Variants in FBXO42 observed in about 807,000 individuals in gnomAD.
FBXO42 encodes the protein F-box protein 42.
In FBXO42, 12 loss-of-function variants were observed where a neutral mutation model predicts 71.7. That is an observed-to-expected ratio of 0.17 (90% confidence interval 0.11 to 0.27). The LOEUF is 0.27. Ranked by LOEUF, FBXO42 falls within the 10% of genes least tolerant of loss-of-function variation. The pLI is 1.00. For synonymous variants in FBXO42, 325 were observed against 327.5 expected (o/e 0.99, Z 0.08); for missense variants, 707 against 911.9 (o/e 0.78, Z 2.89).
intron 4 of FBXO42, among the ~76,000 whole-genome samples, chr1:16,275,493 C>A (rs2081890214): frequency 1.3e-5 from 2 of 152,032 alleles, no homozygotes; most frequent in Admixed American, 1.3e-4. Context: ...GTGGTTCATG[C>A]CTGTAGTCCT....
chr1:16,338,772 G>A (rs908495176), intron 1 of FBXO42, among the ~76,000 whole-genome samples: 2 of 143,756 alleles, frequency 1.4e-5, no homozygotes, highest in African/African-American at 5.1e-5. Flanking sequence ...ACAAGATGCT[G>A]TGATGGAATG....
intron 2 of FBXO42, among the ~76,000 whole-genome samples, chr1:16,312,198 A>AT (rs967372598): frequency 2.6e-5 from 4 of 151,948 alleles, no homozygotes; most frequent in African/African-American, 9.7e-5. Flanking sequence ...CTCTATAAAC[A>AT]TTTTTTTAAA....
chr1:16,332,302 T>C (rs1459886883), intron 1 of FBXO42, among the ~76,000 whole-genome samples: 2 of 152,100 alleles, frequency 1.3e-5, no homozygotes, highest in Non-Finnish European at 2.9e-5. Context: ...ATTTTAAAAT[T>C]GTTCCAACAA....
At chr1:16,316,566 T>G (rs989709391) in intron 1 of FBXO42, among the ~76,000 whole-genome samples, 1 of 151,446 alleles carries the variant, frequency 6.6e-6, no homozygotes, top group African/African-American at 2.4e-5. Context: ...CGAAATCCCA[T>G]CTCTACTAAA....
intron 1 of FBXO42, among the ~76,000 whole-genome samples, chr1:16,323,552 T>C (rs536615905): frequency 6.6e-6 from 1 of 150,952 alleles, no homozygotes; most frequent in African/African-American, 2.4e-5. Flanking sequence ...ATCCCAGCAC[T>C]TTGGGAGGCT....
At chr1:16,255,319 A>C (rs2081629280) in intron 6 of FBXO42, among the ~76,000 whole-genome samples, 1 of 151,466 alleles carries the variant, frequency 6.6e-6, no homozygotes, top group African/African-American at 2.4e-5. Flanking sequence ...CATGCTCAGG[A>C]ATACTGACCC....
intron 4 of FBXO42, among the ~76,000 whole-genome samples, chr1:16,258,124 A>G (rs2081666295): frequency 6.6e-6 from 1 of 152,194 alleles, no homozygotes; most frequent in Admixed American, 6.5e-5. Flanking sequence ...CTAGGTGGAG[A>G]GCTTTGCTTC....
At chr1:16,299,389 C>T (rs4661735) in intron 3 of FBXO42, among the ~76,000 whole-genome samples, 28,941 of 152,002 alleles carry the variant, frequency 0.19, 3,171 homozygotes, top group Non-Finnish European at 0.24. Flanking sequence ...TATTTTAATC[C>T]CACACTAAAA....
intron 6 of FBXO42, among the ~76,000 whole-genome samples, chr1:16,254,556 C>T (rs1020707956): frequency 3.3e-5 from 5 of 152,222 alleles, no homozygotes; most frequent in African/African-American, 1.2e-4. Context: ...CACAAAAATA[C>T]AGGAATAATA....
chr1:16,306,014 A>G (rs1214625250), intron 2 of FBXO42, 95 bp from the exon 3 acceptor site: 1 of 939,954 alleles, frequency 1.1e-6, no homozygotes, highest in Admixed American at 2.2e-5. Flanking sequence ...TCATTTTTAT[A>G]CAAGTTTCTT....
intron 5 of FBXO42, among the ~76,000 whole-genome samples, chr1:16,256,320 C>A (rs888911978): frequency 1.1e-4 from 16 of 152,212 alleles, no homozygotes; most frequent in African/African-American, 2.9e-4. Flanking sequence ...AGCTGAAGAG[C>A]TCGCTGTTCT....
rs2082029001 is a variant in FBXO42, at chr1:16,287,056, A to C, written c.502+7727T>G. Among the ~76,000 whole-genome samples the C allele has an allele frequency of 3.3e-5, 5 of 152,318 alleles. No homozygotes were observed. The South Asian group carries it at 1.0e-3, about 32-fold the overall frequency. On this transcript the variant is annotated intron_variant, in intron 4 of 9. Transcript: ENST00000375592. The stretch of plus-strand genomic sequence containing the variant: ...ACCTACACAACTAGCCATTCTATTC[A>C]GTGAATATGACAATGTCCTTACAAC...
At chr1:16,279,854 C>CTTTTTTTCTTTT (rs1553151077) in intron 4 of FBXO42, among the ~76,000 whole-genome samples, 3,571 of 138,160 alleles carry the variant, frequency 0.026, 192 homozygotes, top group African/African-American at 0.093. Flanking sequence ...TTTTTTTTTT[C>CTTTTTTTCTTTT]TTTTTTTTTT....
At chr1:16,319,739 C>T (rs532091359) in intron 1 of FBXO42, among the ~76,000 whole-genome samples, 6 of 151,892 alleles carry the variant, frequency 4.0e-5, no homozygotes, top group African/African-American at 1.4e-4. Context: ...GGTGAAACTC[C>T]GTCTCTACTA....
At chr1:16,346,327 C>A (rs568183025) in intron 1 of FBXO42, among the ~76,000 whole-genome samples, 9 of 152,228 alleles carry the variant, frequency 5.9e-5, no homozygotes, top group African/African-American at 2.2e-4. Context: ...GGGAACATTA[C>A]CAGCTAAAAC....
At chr1:16,278,961 A>G (rs1262889948) in intron 4 of FBXO42, among the ~76,000 whole-genome samples, 1 of 151,992 alleles carries the variant, frequency 6.6e-6, no homozygotes, top group Non-Finnish European at 1.5e-5. Context: ...TATTTTTAGT[A>G]CACGGGGTTT....
intron 4 of FBXO42, among the ~76,000 whole-genome samples, chr1:16,259,103 A>G (rs2081681518): frequency 1.3e-5 from 2 of 152,140 alleles, no homozygotes; most frequent in African/African-American, 4.8e-5. Flanking sequence ...TCTACCCTCA[A>G]ATCCCACAAG....
intron 2 of FBXO42, among the ~76,000 whole-genome samples, chr1:16,309,171 G>A (rs942073637): frequency 7.1e-5 from 10 of 139,896 alleles, no homozygotes; most frequent in East Asian, 2.2e-4. Flanking sequence ...AGATTCAAGC[G>A]ATTCTCCTGC....
intron 4 of FBXO42, chr1:16,293,343 A>T: frequency 6.6e-6 from 1 of 152,298 alleles, no homozygotes; most frequent in African/African-American, 2.4e-5. Context: ...CTGGTCTCGA[A>T]CTCCTGACCT....
Sources: allele counts gnomAD v4.1 joint callset (sites outside exome capture counted in the v4.1 genomes callset), GRCh38; gene constraint gnomAD v4.1.1; transcripts MANE v1.5; gene names NCBI Gene and HGNC (gene_info 2026-07-23, HGNC 2026-07-21).